PYY: variants seen among roughly 807,000 people sequenced by gnomAD.
PYY encodes peptide tyrosine tyrosine.
PYY carries 12 observed loss-of-function variants against 10.3 expected under a neutral mutation model. The observed-to-expected ratio is 1.17, with a 90% CI of 0.75 to 1.89. PYY has a LOEUF of 1.89. Ranked by LOEUF, PYY falls within the 40% of genes most tolerant of loss-of-function variation. PYY has a pLI of 0.00. For missense variants in PYY, 141 were observed against 134.0 expected, an observed-to-expected ratio of 1.05 and a Z score of -0.26; for synonymous variants, 66 against 62.0, an observed-to-expected ratio of 1.06 and a Z score of -0.30.
At chr17:43,977,506 G>A (rs1017812576) in intron 1 of PYY, among the ~76,000 whole-genome samples, 18 of 151,936 alleles carry the variant, frequency 1.2e-4, no homozygotes, top group Non-Finnish European at 2.1e-4. Flanking sequence ...CAGGTGTTCC[G>A]GCACCTGCCC....
chr17:43,976,257 A>G (rs1305426455), intron 1 of PYY, among the ~76,000 whole-genome samples: 1 of 145,718 alleles, frequency 6.9e-6, no homozygotes, highest in South Asian at 2.1e-4. Context: ...ACATATGTAT[A>G]CATGTATACA....
intron 2 of PYY, among the ~76,000 whole-genome samples, chr17:43,965,909 A>C (rs1401200722): frequency 6.7e-6 from 1 of 149,318 alleles, no homozygotes; most frequent in Non-Finnish European, 1.5e-5. Flanking sequence ...GTTTCTGCCT[A>C]TTTACATTGG....
At chr17:43,956,042 A>G (rs2048669905), upstream of PYY, among the ~76,000 whole-genome samples, 1 of 152,126 alleles carries the variant, frequency 6.6e-6, no homozygotes, top group Non-Finnish European at 1.5e-5. Flanking sequence ...TGAGATGGCC[A>G]TGGGGAATCT....
intron 2 of PYY, among the ~76,000 whole-genome samples, chr17:43,963,582 G>GAAAGAAAGAAAGA (rs1555617099): frequency 1.4e-4 from 10 of 73,854 alleles, no homozygotes; most frequent in African/African-American, 4.3e-4. Context: ...AAGAAAGAAA[G>GAAAGAAAGAAAGA]AAAGAAAGAA....
In PYY at chr17:43,994,074, A is replaced by G. The variant is rs531472929; in HGVS notation, c.-463+10317T>C. ...TCTCTACATTACCTGGGCTTGTCTC[A>G]GACTCCTGGGCTCAAGTGATCCTCC... On this transcript the variant is annotated intron_variant, in intron 1 of 6. Coordinates refer to the PYY transcript ENST00000360085. Among the ~76,000 whole-genome samples the G allele has an allele frequency of 3.6e-3, 541 of 152,182 alleles. 5 individuals carry two copies. Among genetic ancestry groups the G allele is most frequent in the African/African-American group, 0.013 (528 of 41,508 alleles).
chr17:43,979,765 G>A lies in PYY; in HGVS notation c.-462-13233C>T, dbSNP rs145007163. Among the ~76,000 whole-genome samples the A allele has an allele frequency of 1.2e-3, 186 of 150,060 alleles. 1 individual carries two copies. The highest frequency in any genetic ancestry group is 4.1e-3 in the African/African-American group (169 of 40,866). On this transcript the variant is annotated intron_variant, in intron 1 of 6. Coordinates refer to the PYY transcript ENST00000360085. ...GGTGGGGGGAGAAATGGGTGTGGGG[G>A]TAGCTAGGTGAGGCCCAGGAATAGA...
At chr17:43,953,594 G>A (rs558922290) in intron 1 of PYY, 111 bp from the exon 2 acceptor site, 10 of 1,052,308 alleles carry the variant, frequency 9.5e-6, no homozygotes, top group East Asian at 5.4e-5. Flanking sequence ...GGCTGGTACC[G>A]GACCAAGGCT....
Position 43,952,979 on chromosome 17 carries a change from A to G in PYY, c.271T>C (p.Ser91Pro), listed in dbSNP as rs1224926082. The G allele has an allele frequency of 1.3e-6, 2 of 1,566,592 alleles. No homozygotes were observed. Among genetic ancestry groups the G allele is most frequent in the East Asian group, 4.5e-5 (2 of 44,382 alleles). The stretch of plus-strand genomic sequence containing the variant: ...CCTCACCACAGGTCTGGGCCCTCCG[A>G]CCTGCGGAAGCGAAGGGGAAGGAAT... ...DGEDRPVRSRSEGPDLW is the reference protein window; with the variant it reads ...DGEDRPVRSRPEGPDLW Residue 91 changes from serine to proline, a missense_variant and splice_region_variant, in exon 4 of 4, where the codon TCG (serine) becomes CCG (proline). Transcript: ENST00000692052.
chr17:43,953,497 A>T lies in PYY; in HGVS notation c.1-14T>A. 1 of 1,577,396 alleles carries T rather than the reference A, an allele frequency of 6.3e-7. No homozygotes were observed. The highest frequency in any genetic ancestry group is 8.6e-7 in the Non-Finnish European group (1 of 1,159,708). Reference sequence around the variant, plus strand: ...CACGAACACCATCTGGGAAGGCGACATTGGGACGTGGGTCATTCCAAGCCT... The same window carrying T: ...CACGAACACCATCTGGGAAGGCGACTTTGGGACGTGGGTCATTCCAAGCCT... On this transcript the variant is annotated splice_polypyrimidine_tract_variant and intron_variant, in intron 1 of 3. Coordinates refer to ENST00000692052, the MANE Select transcript of PYY (RefSeq NM_001394028.1).
At chr17:43,997,127 C>T (rs1364687380) in intron 1 of PYY, among the ~76,000 whole-genome samples, 1 of 152,088 alleles carries the variant, frequency 6.6e-6, no homozygotes, top group African/African-American at 2.4e-5. Flanking sequence ...CAACCTCTGC[C>T]TCCCAGGTTC....
At chr17:43,989,808 TTA>T (rs2048940467) in intron 1 of PYY, among the ~76,000 whole-genome samples, 3 of 43,356 alleles carry the variant, frequency 6.9e-5, no homozygotes, top group Non-Finnish European at 1.1e-4. Context: ...GGCTGTCTCT[TTA>T]AAAAAAAAAA....
At chr17:43,993,789 T>C (rs1158702861) in intron 1 of PYY, among the ~76,000 whole-genome samples, 1 of 152,162 alleles carries the variant, frequency 6.6e-6, no homozygotes, top group Non-Finnish European at 1.5e-5. Context: ...GTTTTGTTTA[T>C]CCAATTTTCA....
chr17:43,963,637 A>AAAGG (rs1567928022), intron 2 of PYY, among the ~76,000 whole-genome samples: 1 of 149,126 alleles, frequency 6.7e-6, no homozygotes, highest in Non-Finnish European at 1.5e-5. Flanking sequence ...AGAAAGAAAG[A>AAAGG]AAAGAGAGAA....
intron 2 of PYY, among the ~76,000 whole-genome samples, chr17:43,963,630 A>AAGAAAGAAAGAAAG (rs1567928014): frequency 4.8e-5 from 7 of 145,356 alleles, no homozygotes; most frequent in African/African-American, 1.5e-4. Context: ...AAGAAAGAGA[A>AAGAAAGAAAGAAAG]AGAAAGAAAA....
intron 2 of PYY, 46 bp from the exon 3 acceptor site, chr17:43,953,235 C>T (rs759151893): frequency 1.9e-6 from 3 of 1,610,088 alleles, no homozygotes; most frequent in South Asian, 2.2e-5. Flanking sequence ...GGCCACGCCC[C>T]CAGGTGGAGC....
intron 1 of PYY, among the ~76,000 whole-genome samples, chr17:43,981,340 A>T (rs915393562): frequency 1.3e-5 from 2 of 152,210 alleles, no homozygotes; most frequent in Non-Finnish European, 2.9e-5. Flanking sequence ...TCAACACAGT[A>T]TGAGACCTGG....
chr17:43,972,786 G>A (rs962683117), intron 1 of PYY, among the ~76,000 whole-genome samples: 6 of 151,970 alleles, frequency 3.9e-5, no homozygotes, highest in Non-Finnish European at 7.4e-5. Context: ...GCGTGATCTC[G>A]GTTCACCGCA....
chr17:44,002,764 TG>T (rs2049037772), intron 1 of PYY, among the ~76,000 whole-genome samples: 1 of 152,174 alleles, frequency 6.6e-6, no homozygotes, highest in Non-Finnish European at 1.5e-5. Context: ...ATCTGTAAAA[TG>T]GGAATAATGA....
intron 1 of PYY, among the ~76,000 whole-genome samples, chr17:43,998,640 C>T (rs762574513): frequency 6.6e-6 from 1 of 152,146 alleles, no homozygotes; most frequent in Non-Finnish European, 1.5e-5. Context: ...TCATAGCTCA[C>T]TGCAGCCTCA....
Sources: gnomAD v4.1 joint callset for allele counts (sites outside exome capture counted in the v4.1 genomes callset) on GRCh38, gnomAD v4.1.1 for gene constraint, MANE v1.5 for transcripts, NCBI Gene and HGNC (gene_info 2026-07-23, HGNC 2026-07-21) for gene names.